Variants in UNC13A observed in about 807,000 individuals in gnomAD.
The protein encoded by UNC13A is protein unc-13 homolog A.
Under a neutral mutation model 219.7 loss-of-function variants are expected in UNC13A, and 61 were observed. That is an observed-to-expected ratio of 0.28 (90% CI 0.23 to 0.34). The LOEUF (loss-of-function observed/expected upper bound fraction) is 0.34. Among genes scored for constraint, UNC13A ranks in the 10% least tolerant of loss-of-function variants. The pLI, the probability that UNC13A is intolerant of heterozygous loss-of-function variation, is 1.00. For missense variants in UNC13A, 1,476 were observed against 2,270.3 expected (o/e 0.65, Z 7.11); for synonymous variants, 920 against 884.6 (o/e 1.04, Z -0.71).
At chr19:17,672,128 A>G (rs1202142854) in intron 4 of UNC13A, among the ~76,000 whole-genome samples, 1 of 152,016 alleles carries the variant, frequency 6.6e-6, no homozygotes, top group Non-Finnish European at 1.5e-5. Context: ...CGGTGGTTGG[A>G]ATGAAGATGC....
intron 11 of UNC13A, among the ~76,000 whole-genome samples, chr19:17,652,890 T>C (rs1441738359): frequency 6.6e-6 from 1 of 152,158 alleles, no homozygotes; most frequent in Non-Finnish European, 1.5e-5. Context: ...CTCTTCTCTT[T>C]CAACCACCTC....
chr19:17,645,537 C>T (rs1293053677), intron 19 of UNC13A, 137 bp downstream of exon 19: 1 of 1,292,300 alleles, frequency 7.7e-7, no homozygotes, highest in Non-Finnish European at 1.1e-6. Flanking sequence ...GGCTCCTAGA[C>T]CCTGCCTCCC....
intron 9 of UNC13A, among the ~76,000 whole-genome samples, 185 bp from the exon 10 acceptor site, chr19:17,656,583 G>C (rs1429472849): frequency 1.3e-5 from 2 of 152,166 alleles, no homozygotes; most frequent in East Asian, 3.8e-4. Context: ...CAGGTGCGGT[G>C]GCTCACGCCT....
In UNC13A at chr19:17,627,672, A is replaced by G. The variant is rs1271768127; in HGVS notation, c.3832-75T>C. The G allele has an allele frequency of 1.5e-6, 2 of 1,364,222 alleles. No individual in the cohort carries two copies. The highest frequency in any genetic ancestry group is 1.0e-6 in the Non-Finnish European group (1 of 977,902). The allele number at this position is 1,364,222 out of a possible 1,614,324, so 84.5% of individuals were successfully genotyped here. The stretch of plus-strand genomic sequence containing the variant: ...TACTGGGCATTTTCTCATCTGACCC[A>G]GGGAAAGGGATCCCAAGGGGCTGCA... On this transcript the variant is annotated intron_variant, in intron 32 of 43. Coordinates refer to ENST00000519716, the MANE Select transcript of UNC13A (RefSeq NM_001080421.3). This position sits in a 1 kb window ranked among gnomAD's most constrained non-coding sequence, Gnocchi z 4.7.
In UNC13A at chr19:17,656,233, G is replaced by A; in HGVS notation, c.933C>T (p.His311=). Residue 311 remains histidine (H), a synonymous_variant, in exon 10 of 44, where the codon CAC becomes CAT. Coordinates refer to ENST00000519716, the MANE Select transcript of UNC13A (RefSeq NM_001080421.3). ...YHSCHSSVSY[H]KDSPRWDQDE... is the part of the protein sequence containing the mutation. ...CCTGGTCCCAGCGAGGCGAGTCTTTGTGGTAGCTGACCGAGCTGTGGCAGG... is the reference window on the plus strand; with the variant it reads ...CCTGGTCCCAGCGAGGCGAGTCTTTATGGTAGCTGACCGAGCTGTGGCAGG... The A allele has an allele frequency of 6.4e-7, 1 of 1,552,210 alleles. No individual in the cohort carries two copies. Among genetic ancestry groups the A allele is most frequent in the Non-Finnish European group, 8.7e-7 (1 of 1,147,138 alleles).
chr19:17,636,153 T>G lies in UNC13A; in HGVS notation c.3086A>C (p.Lys1029Thr), dbSNP rs763034495. ...TTCCTCTGGGAGAACTTCCCCCTTC[T>G]TGGCCTGAAATGGACAGTGGAGACC... ...YSREYQTDPA[K>T]KGEVLPEEQG... The change falls in exon 26 of 44, where the codon AAG (lysine) becomes ACG (threonine). Residue 1029 changes from lysine (K) to threonine (T), a missense_variant. By Grantham distance (78) the Lys-to-Thr change is moderately conservative. This residue lies in a region of UNC13A where 24 missense variants were observed against 16.0 expected (regional missense o/e 1.50). Coordinates refer to ENST00000519716, the MANE Select transcript of UNC13A (RefSeq NM_001080421.3). The G allele has an allele frequency of 1.3e-6, 2 of 1,596,236 alleles. No homozygotes were observed. The highest frequency in any genetic ancestry group is 1.7e-6 in the Non-Finnish European group (2 of 1,170,680).
At chr19:17,655,169 G>T in intron 11 of UNC13A, 105 bp downstream of exon 11, 1 of 902,150 alleles carries the variant, frequency 1.1e-6, no homozygotes, top group Non-Finnish European at 1.8e-6. Flanking sequence ...GTGGGGTGTT[G>T]GGCGTGGCCA....
intron 29 of UNC13A, 79 bp from the exon 30 acceptor site, chr19:17,630,367 C>T (rs753099152): frequency 2.3e-4 from 351 of 1,522,518 alleles, no homozygotes; most frequent in Non-Finnish European, 2.8e-4. Flanking sequence ...CCACTCTCCA[C>T]GGGGAGAGCC....
intron 7 of UNC13A, among the ~76,000 whole-genome samples, chr19:17,665,203 G>GAA (rs11438652): frequency 0.3 from 43,156 of 146,064 alleles, 7,452 homozygotes; most frequent in South Asian, 0.48. Context: ...CTATCTCCAA[G>GAA]AAAAAAAAAA....
At position 17,646,020 on chromosome 19, in the gene UNC13A, T is replaced by G; in HGVS notation, c.2136A>C (p.Thr712=). The change falls in exon 18 of 44, where the codon ACA becomes ACC. Residue 712 remains threonine (T), a synonymous_variant. Transcript: ENST00000519716. The stretch of plus-strand genomic sequence containing the variant: ...GGTTGAGGTTCCCATAGATGGTTTT[T>G]GTCCGTTTCTTGGTCTTCCCGACCT... ...TVQVGKTKKR[T]KTIYGNLNPV... is the part of the protein sequence containing the mutation. The G allele has an allele frequency of 6.2e-7, 1 of 1,613,666 alleles. No homozygotes were observed. Among genetic ancestry groups the G allele is most frequent in the Non-Finnish European group, 8.5e-7 (1 of 1,179,720 alleles).
intron 11 of UNC13A, among the ~76,000 whole-genome samples, chr19:17,654,903 T>G (rs1369824047): frequency 6.6e-6 from 1 of 152,170 alleles, no homozygotes; most frequent in East Asian, 1.9e-4. Flanking sequence ...GGAAGGAGGC[T>G]GGGCTGGGGA....
rs1371912358 is a variant in UNC13A at position 17,674,835 on chromosome 19, T to C, written c.53-79A>G. 2 of 1,252,456 alleles carry C rather than the reference T, an allele frequency of 1.6e-6. No homozygotes were observed. Among genetic ancestry groups the C allele is most frequent in the Non-Finnish European group, 2.3e-6 (2 of 859,926 alleles). The allele number at this position is 1,252,456 out of a possible 1,614,324, so 77.6% of individuals were successfully genotyped here. On this transcript the variant is annotated intron_variant, in intron 2 of 43. Coordinates refer to ENST00000519716, the MANE Select transcript of UNC13A (RefSeq NM_001080421.3). The surrounding 1 kb of genome is among the most constrained non-coding windows in gnomAD (Gnocchi z 5.0). ...CCTTCCCAAGCTCTAGACCATCTGC[T>C]GTGATCCCCTCAGGAATTTCTGGGC... is the stretch of plus-strand genomic sequence containing the variant.
In UNC13A at chr19:17,641,545, G is replaced by C. The variant is rs998217670; in HGVS notation, c.2484C>G (p.His828Gln). ...CATTGTTCTGCACGTCGGTCACGAA[G>C]TGGAACAGGTTCTGCCACCATGGGA... Reference protein sequence around the residue: ...QYTCLHENLFHFVTDVQNNGV... With the variant: ...QYTCLHENLFQFVTDVQNNGV... Residue 828 changes from histidine to glutamine, a missense_variant, in exon 21 of 44, where the codon CAC (histidine) becomes CAG (glutamine). This residue lies in a region of UNC13A where 140 missense variants were observed against 270.9 expected (regional missense o/e 0.52). Transcript: ENST00000519716. The C allele has an allele frequency of 1.9e-6, 3 of 1,613,990 alleles. No homozygotes were observed. The African/African-American group carries it at 4.0e-5, about 22-fold the overall frequency.
At chr19:17,675,098 G>C (rs1204142125) in intron 2 of UNC13A, among the ~76,000 whole-genome samples, 1 of 151,962 alleles carries the variant, frequency 6.6e-6, no homozygotes, top group South Asian at 2.1e-4. Flanking sequence ...GAGGTCAAGG[G>C]GGGAGGATTG....
intron 16 of UNC13A, 93 bp downstream of exon 16, chr19:17,648,338 A>AC (rs1433483587): frequency 6.8e-4 from 131 of 192,266 alleles, no homozygotes; most frequent in Non-Finnish European, 7.5e-4. Context: ...ATGGTGCCCC[A>AC]CCCATCGCCT....
intron 35 of UNC13A, 138 bp downstream of exon 35, chr19:17,624,691 G>C (rs1331856091): frequency 3.9e-6 from 5 of 1,292,342 alleles, no homozygotes; most frequent in Non-Finnish European, 5.2e-6. Flanking sequence ...CATGACCCTT[G>C]AATGGCCCTT....
At chr19:17,639,624 TG>T (rs969871215) in intron 23 of UNC13A, 99 bp from the exon 24 acceptor site, 15 of 1,374,310 alleles carry the variant, frequency 1.1e-5, no homozygotes, top group Admixed American at 4.1e-5. Context: ...GGTTTCAGGC[TG>T]GGGGTTGATT....
intron 1 of UNC13A, among the ~76,000 whole-genome samples, chr19:17,677,844 AG>A (rs2079928612): frequency 6.6e-6 from 1 of 152,198 alleles, no homozygotes; most frequent in Admixed American, 6.5e-5. Context: ...CAACGTTGGC[AG>A]TTCCTTGTTC....
At position 17,648,645 on chromosome 19, in the gene UNC13A, G is replaced by C. The variant is rs751126389; in HGVS notation, c.1602C>G (p.Asn534Lys). 35 of 1,603,384 alleles carry C rather than the reference G, an allele frequency of 2.2e-5. No individual in the cohort carries two copies. Among genetic ancestry groups the C allele is most frequent in the Non-Finnish European group, 2.9e-5 (34 of 1,172,170 alleles). The change falls in exon 16 of 44, where the codon AAC becomes AAG. Residue 534 changes from asparagine (N) to lysine (K), a missense_variant. Physicochemically the swap from Asn to Lys is moderately conservative, Grantham distance 94. Around this residue, in one of 14 missense-constraint regions of UNC13A, gnomAD observed 85 missense variants for 211.5 expected, o/e 0.40. Coordinates refer to ENST00000519716, the MANE Select transcript of UNC13A (RefSeq NM_001080421.3). ...CTTGCAGGGTCTTCTTGTAAACGTG[G>C]TTTTTCTGCAGGGAGGGATGGGGTG... ...SSTLNNEELK[N>K]HVYKKTLQAL...
Sources: gnomAD v4.1 joint callset for allele counts (sites outside exome capture counted in the v4.1 genomes callset) on GRCh38, gnomAD v4.1.1 for gene constraint, gnomAD v4.1.1 regional missense constraint, Gnocchi (gnomAD v3.1) non-coding constraint, MANE v1.5 for transcripts, NCBI Gene and HGNC (gene_info 2026-07-23, HGNC 2026-07-21) for gene names.